The following MED24 variants were observed in gnomAD, a reference collection of about 807,000 sequenced individuals.
The protein encoded by MED24 is mediator complex subunit 24, also known as mediator of RNA polymerase II transcription subunit 24.
A neutral mutation model predicts 118.8 loss-of-function variants in MED24; 74 were observed. The ratio of observed to expected loss-of-function variants is 0.62; its 90% CI spans 0.52 to 0.76. The LOEUF (loss-of-function observed/expected upper bound fraction) is 0.76. MED24 is among the 30% of genes least tolerant of loss of function. The probability of loss-of-function intolerance (pLI) is 0.00; values close to 1 mark genes in which losing one functional copy is unlikely to be tolerated. For synonymous variants in MED24, 521 were observed against 523.9 expected (o/e 0.99, Z 0.08); for missense variants, 1,041 against 1,278.9 (o/e 0.81, Z 2.84).
rs767083770 is a variant in MED24, at chr17:40,019,848, C to G, written c.2790G>C (p.Glu930Asp). The change falls in exon 25 of 26, where the codon GAG becomes GAC. Residue 930 changes from glutamate (E) to aspartate (D), a missense_variant. Physicochemically the swap from Glu to Asp is conservative, Grantham distance 45. This residue lies in a region of MED24 where 587 missense variants were observed against 694.4 expected (regional missense o/e 0.85). Coordinates refer to ENST00000394128, the MANE Select transcript of MED24 (RefSeq NM_014815.4). ...HTQFVQWFME[E>D]CVDCLEQGGR... ...CACCCTGCTCCAGGCAGTCCACACA[C>G]TCCTCCATGAACCACTGCACGAACT... is the stretch of plus-strand genomic sequence containing the variant. 1 of 1,597,604 alleles carries G rather than the reference C, an allele frequency of 6.3e-7. No individual in the cohort carries two copies. The highest frequency in any genetic ancestry group is 8.5e-7 in the Non-Finnish European group (1 of 1,171,700).
intron 3 of MED24, among the ~76,000 whole-genome samples, chr17:40,050,784 G>A (rs1011906095): frequency 1.1e-4 from 16 of 152,156 alleles, no homozygotes; most frequent in East Asian, 1.9e-4. Context: ...TTCACTACTA[G>A]GGTAATGGGT....
At chr17:40,031,990 T>G in intron 10 of MED24, 53 bp downstream of exon 10, 1 of 1,577,160 alleles carries the variant, frequency 6.3e-7, no homozygotes, top group Non-Finnish European at 8.7e-7. Context: ...TGAAGGACCC[T>G]CCCCTTTGCC....
intron 20 of MED24, 24 bp from the exon 21 acceptor site, chr17:40,022,850 T>C (rs765192171): frequency 1.2e-5 from 19 of 1,609,088 alleles, no homozygotes; most frequent in South Asian, 3.3e-5. Context: ...AAGGGGGCAG[T>C]TCAGGAGCCA....
intron 3 of MED24, 120 bp downstream of exon 3, chr17:40,053,178 G>C: frequency 1.0e-6 from 1 of 952,794 alleles, no homozygotes; most frequent in Non-Finnish European, 1.6e-6. Context: ...CAAGCAATCC[G>C]CCTGCCTCAG....
At chr17:40,026,597 G>T in intron 18 of MED24, 50 bp downstream of exon 18, 2 of 1,506,966 alleles carry the variant, frequency 1.3e-6, no homozygotes, top group Non-Finnish European at 1.8e-6. Flanking sequence ...GTCATCACTG[G>T]CTGGCTCTGT....
At chr17:40,022,096 C>T (rs750833829) in intron 22 of MED24, 42 bp from the exon 23 acceptor site, 72 of 1,431,952 alleles carry the variant, frequency 5.0e-5, no homozygotes, top group Non-Finnish European at 6.1e-5. Flanking sequence ...CCTAAACCCC[C>T]CAGTTTCCAG....
intron 3 of MED24, among the ~76,000 whole-genome samples, chr17:40,045,243 G>A (rs1005906304): frequency 2.6e-5 from 4 of 151,968 alleles, no homozygotes; most frequent in African/African-American, 9.7e-5. Flanking sequence ...GAGGTCAGGA[G>A]TTTGAGACCA....
At chr17:40,030,630 A>G (rs1218524224) in intron 12 of MED24, among the ~76,000 whole-genome samples, 1 of 151,200 alleles carries the variant, frequency 6.6e-6, no homozygotes, top group Non-Finnish European at 1.5e-5. Flanking sequence ...CACATTTAAG[A>G]TTAAAGGAAG....
At chr17:40,036,069 C>A in intron 4 of MED24, 47 bp downstream of exon 4, 1 of 1,573,170 alleles carries the variant, frequency 6.4e-7, no homozygotes, top group Non-Finnish European at 8.8e-7. Flanking sequence ...GGAGGCGGGG[C>A]CTTGTCTGTC....
chr17:40,023,383 C>T lies in MED24; in HGVS notation c.1998G>A (p.Met666Ile). 6.3e-7 allele frequency: 1 copy of T among 1,594,142 alleles called. No individual in the cohort carries two copies. The highest frequency in any genetic ancestry group is 8.6e-7 in the Non-Finnish European group (1 of 1,168,286). ...CACACATGCGCTCCAGGATCGAGTT[C>T]ATGATCACCACCCTGGGGGAGGGCC... ...LQFYNERVVI[M>I]NSILERMCAD... Residue 666 changes from methionine to isoleucine, a missense_variant, in exon 20 of 26, where the codon ATG (methionine) becomes ATA (isoleucine). Around this residue, in one of 3 missense-constraint regions of MED24, gnomAD observed 587 missense variants for 694.4 expected, o/e 0.85. Coordinates refer to ENST00000394128, the MANE Select transcript of MED24 (RefSeq NM_014815.4).
At chr17:40,046,038 A>G (rs1220863781) in intron 3 of MED24, among the ~76,000 whole-genome samples, 2 of 150,708 alleles carry the variant, frequency 1.3e-5, no homozygotes, top group Non-Finnish European at 3.0e-5. Context: ...CGGCCTCCCA[A>G]AGTGCTGGGA....
intron 3 of MED24, among the ~76,000 whole-genome samples, chr17:40,039,489 A>G (rs1984307196): frequency 6.6e-6 from 1 of 152,242 alleles, no homozygotes; most frequent in Admixed American, 6.5e-5. Context: ...CATTGGGCCA[A>G]AGAGCCTCTT....
intron 1 of MED24, chr17:40,053,841 AAAGTATCG>A (rs1986081440): frequency 1.5e-6 from 1 of 680,392 alleles, no homozygotes; most frequent in African/African-American, 1.8e-5. Context: ...GGGCACTAAG[AAAGTATCG>A]GCCGAGCGCA....
In MED24 at chr17:40,027,478, G is replaced by C. The variant is rs776726248; in HGVS notation, c.1448-13C>G. The C allele has an allele frequency of 1.2e-5, 20 of 1,605,634 alleles. No homozygotes were observed. Among genetic ancestry groups the C allele is most frequent in the Non-Finnish European group, 1.6e-5 (19 of 1,175,864 alleles). On this transcript the variant is annotated splice_polypyrimidine_tract_variant and intron_variant, in intron 15 of 25. Transcript: ENST00000394128. ...GAGGCCGGTTTGGCTGTGGAAGGAC[G>C]GGAAGGCTGAGCTCCCAGACGAGGG...
chr17:40,044,365 C>G (rs1984920193), intron 3 of MED24, among the ~76,000 whole-genome samples: 1 of 151,120 alleles, frequency 6.6e-6, no homozygotes, highest in African/African-American at 2.4e-5. Context: ...ACTAAAAATA[C>G]AAAAATTAGC....
At chr17:40,020,408 G>A in intron 23 of MED24, 55 bp from the exon 24 acceptor site, 2 of 1,555,902 alleles carry the variant, frequency 1.3e-6, no homozygotes, top group Middle Eastern at 1.7e-4. Flanking sequence ...TGCAAAAGTG[G>A]TGCTCCCCGG....
intron 3 of MED24, among the ~76,000 whole-genome samples, chr17:40,043,890 C>CAAAAAAAAAAAAAAAACAAACAAA (rs35743512): frequency 2.1e-5 from 2 of 97,462 alleles, no homozygotes; most frequent in Non-Finnish European, 4.3e-5. Flanking sequence ...GACTCCATCT[C>CAAAAAAAAAAAAAAAACAAACAAA]AAAAAAAAAA....
chr17:40,049,776 C>T (rs1567638812), intron 3 of MED24, among the ~76,000 whole-genome samples: 2 of 151,824 alleles, frequency 1.3e-5, no homozygotes, highest in Non-Finnish European at 2.9e-5. Flanking sequence ...CCGCCCACCT[C>T]GGCCTTGCAA....
intron 15 of MED24, 30 bp downstream of exon 15, chr17:40,027,879 T>C: frequency 1.2e-6 from 2 of 1,609,404 alleles, no homozygotes; most frequent in Non-Finnish European, 1.7e-6. Context: ...CAGGGCCCAC[T>C]GGGCCTGCGG....
Sources: allele counts gnomAD v4.1 joint callset (sites outside exome capture counted in the v4.1 genomes callset), GRCh38; gene constraint gnomAD v4.1.1; regional missense constraint gnomAD v4.1.1; transcripts MANE v1.5; gene names NCBI Gene and HGNC (gene_info 2026-07-23, HGNC 2026-07-21).